The following KLF13 variants were observed in gnomAD, a reference collection of about 807,000 sequenced individuals.
KLF13 encodes Krueppel-like factor 13.
KLF13 carries 8 observed loss-of-function variants against 16.7 expected under a neutral mutation model. The observed-to-expected ratio is 0.48, with a 90% CI of 0.28 to 0.87. The LOEUF is 0.87. Among genes scored for constraint, KLF13 ranks in the 40% least tolerant of loss-of-function variants. The probability of loss-of-function intolerance (pLI) is 0.10; values close to 1 mark genes in which losing one functional copy is unlikely to be tolerated. For missense variants in KLF13, 447 were observed against 452.2 expected, an observed-to-expected ratio of 0.99 and a Z score of 0.10; for synonymous variants, 245 against 208.4, an observed-to-expected ratio of 1.18 and a Z score of -1.51.
In KLF13 at chr15:31,372,323, G is replaced by A. The variant is rs768082644; in HGVS notation, c.*24G>A. On this transcript the variant is annotated 3_prime_UTR_variant, in exon 2 of 2. Transcript: ENST00000307145. Reference sequence around the variant, plus strand: ...GAGCCCGCCACAGCCATGAGCAGCCGCTCCCACCCCCTCGTGAGTCCCTGG... The same window carrying A: ...GAGCCCGCCACAGCCATGAGCAGCCACTCCCACCCCCTCGTGAGTCCCTGG... The A allele has an allele frequency of 4.2e-6, 6 of 1,442,720 alleles. No individual in the cohort carries two copies. Among genetic ancestry groups the A allele is most frequent in the Admixed American group, 5.5e-5 (2 of 36,290 alleles). 89.4% of individuals were successfully genotyped at this position (1,442,720 alleles called of 1,614,324 possible).
At chr15:31,365,818 G>C (rs1183298654) in intron 1 of KLF13, among the ~76,000 whole-genome samples, 1 of 152,138 alleles carries the variant, frequency 6.6e-6, no homozygotes, top group African/African-American at 2.4e-5. Flanking sequence ...GTGGGGGAGA[G>C]GGGAGGGCCT....
intron 1 of KLF13, among the ~76,000 whole-genome samples, chr15:31,355,321 T>G (rs1416360538): frequency 6.6e-6 from 1 of 152,198 alleles, no homozygotes; most frequent in Non-Finnish European, 1.5e-5. Flanking sequence ...CAATGGCTTC[T>G]GAAGAGGAGC....
downstream of KLF13, among the ~76,000 whole-genome samples, chr15:31,407,814 G>T (rs1204621570): frequency 6.6e-6 from 1 of 152,196 alleles, no homozygotes; most frequent in East Asian, 1.9e-4. Flanking sequence ...TTTCTACAGA[G>T]ACCAGTAAAG....
chr15:31,374,742 C>T lies in KLF13; in HGVS notation c.*2443C>T, dbSNP rs1055593228. ...TCCTTGTGATCTGCCCAGGGTGTCA[C>T]GGAAGGAGATTTTCTAGCTCCACAT... On this transcript the variant is annotated 3_prime_UTR_variant, in exon 2 of 2. Transcript: ENST00000307145. 9.2e-5 allele frequency: 14 copies of T among 151,406 alleles called. No individual in the cohort carries two copies. The highest frequency in any genetic ancestry group is 2.7e-4 in the African/African-American group (11 of 40,962). The allele number at this position is 151,406 out of a possible 1,614,324, so 9.4% of individuals were successfully genotyped here.
chr15:31,421,788 T>C (rs1479495045), intron 1 of KLF13, among the ~76,000 whole-genome samples: 1 of 152,106 alleles, frequency 6.6e-6, no homozygotes, highest in Non-Finnish European at 1.5e-5. Context: ...TGTCCTTTCC[T>C]GTCAGTAATT....
In KLF13 at chr15:31,397,217, A is replaced by AGGGTGGGGCGGGGTGGGGTG. The variant is rs1379261108; in HGVS notation, n.529+3539_529+3558dup. On this transcript the variant is annotated intron_variant and non_coding_transcript_variant, in intron 2 of 2. Coordinates refer to the KLF13 transcript ENST00000500533. The stretch of plus-strand genomic sequence containing the variant: ...TGAGGCCAAGAGGGTGTCCAGGTTC[A>AGGGTGGGGCGGGGTGGGGTG]GGGTGGGGCGGGGTGGGGTGGGGTG... Among the ~76,000 whole-genome samples the AGGGTGGGGCGGGGTGGGGTG allele has an allele frequency of 2.8e-3, 20 of 7,264 alleles. No individual in the cohort carries two copies. The East Asian group carries it at 0.038, about 14-fold the overall frequency. The allele number at this position is 7,264 out of a possible 152,430, so 4.8% of individuals were successfully genotyped here. A position where few individuals can be genotyped will look rare whatever the true frequency, so the allele number is the denominator to read the frequency against.
chr15:31,371,082 C>T (rs1353780411), intron 1 of KLF13, among the ~76,000 whole-genome samples: 1 of 152,160 alleles, frequency 6.6e-6, no homozygotes, highest in Non-Finnish European at 1.5e-5. Context: ...GCGGCCACCC[C>T]TAATACAAGA....
intron 1 of KLF13, among the ~76,000 whole-genome samples, chr15:31,369,106 G>A (rs1214289905): frequency 6.6e-6 from 1 of 152,192 alleles, no homozygotes; most frequent in Non-Finnish European, 1.5e-5. Flanking sequence ...ATTGATGGAT[G>A]TATTATTTTA....
chr15:31,398,070 G>T (rs929983109), intron 2 of KLF13, among the ~76,000 whole-genome samples: 2 of 152,192 alleles, frequency 1.3e-5, no homozygotes, highest in Non-Finnish European at 2.9e-5. Flanking sequence ...TGCTAGGCCT[G>T]CGTCTCTGCT....
chr15:31,349,618 C>G (rs1313888682), intron 1 of KLF13, among the ~76,000 whole-genome samples: 1 of 152,218 alleles, frequency 6.6e-6, no homozygotes, highest in Non-Finnish European at 1.5e-5. Flanking sequence ...GTGCTGTGTT[C>G]TTAGTGCCTA....
chr15:31,382,275 G>A (rs2039736148), downstream of KLF13, among the ~76,000 whole-genome samples: 1 of 152,200 alleles, frequency 6.6e-6, no homozygotes, highest in Non-Finnish European at 1.5e-5. Flanking sequence ...CCAGAGGGTT[G>A]CTTGCTGAGC....
chr15:31,397,880 G>GA (rs1555380283), intron 2 of KLF13, among the ~76,000 whole-genome samples: 1 of 146,354 alleles, frequency 6.8e-6, no homozygotes, highest in Non-Finnish European at 1.5e-5. Flanking sequence ...GCGGCGGGGG[G>GA]GGTGGTGATC....
At chr15:31,336,714 A>G (rs1461909758) in intron 1 of KLF13, among the ~76,000 whole-genome samples, 1 of 152,206 alleles carries the variant, frequency 6.6e-6, no homozygotes, top group Non-Finnish European at 1.5e-5. Flanking sequence ...TGTGAGTCTC[A>G]GAACCTGACT....
Position 31,426,637 on chromosome 15 carries a change from T to C in KLF13, n.118-8733T>C, listed in dbSNP as rs368921529. On this transcript the variant is annotated intron_variant and non_coding_transcript_variant, in intron 1 of 1. Coordinates refer to the KLF13 transcript ENST00000558225. ...AAAAACGCATAACCTGATTAAAAAA[T>C]GGACAAATGACTTGAGCAGACATTT... is the stretch of plus-strand genomic sequence containing the variant. Among the ~76,000 whole-genome samples the C allele has an allele frequency of 6.6e-5, 10 of 152,210 alleles. No individual in the cohort carries two copies. The East Asian group carries it at 1.5e-3, about 23-fold the overall frequency.
intron 1 of KLF13, 135 bp from the exon 2 acceptor site, chr15:31,371,875 C>T (rs1410853538): frequency 9.8e-7 from 1 of 1,021,406 alleles, no homozygotes. Context: ...GGATTTGTCA[C>T]AGAAGCTCTT....
chr15:31,378,290 C>T (rs1051667746), downstream of KLF13, among the ~76,000 whole-genome samples: 1 of 152,190 alleles, frequency 6.6e-6, no homozygotes, highest in African/African-American at 2.4e-5. Flanking sequence ...CCCAGATGCG[C>T]TGCTTGCCTC....
At chr15:31,348,516 A>C (rs951965860) in intron 1 of KLF13, among the ~76,000 whole-genome samples, 2 of 152,156 alleles carry the variant, frequency 1.3e-5, no homozygotes, top group African/African-American at 2.4e-5. Context: ...CCTGGTTCTC[A>C]CTGAAAAGCT....
intron 1 of KLF13, among the ~76,000 whole-genome samples, chr15:31,424,671 T>C (rs1488065208): frequency 6.6e-6 from 1 of 152,018 alleles, no homozygotes; most frequent in African/African-American, 2.4e-5. Context: ...AACATCAAAC[T>C]CAGTGGTGAA....
chr15:31,338,482 T>G (rs988246192), intron 1 of KLF13, among the ~76,000 whole-genome samples: 7 of 152,230 alleles, frequency 4.6e-5, no homozygotes, highest in Non-Finnish European at 1.0e-4. Context: ...CAGCACAATG[T>G]TTGTTTCTCC....
Sources: allele counts gnomAD v4.1 joint callset (sites outside exome capture counted in the v4.1 genomes callset), GRCh38; gene constraint gnomAD v4.1.1; transcripts MANE v1.5; gene names NCBI Gene and HGNC (gene_info 2026-07-23, HGNC 2026-07-21).